The following TLN2 variants were observed in gnomAD, a reference collection of about 807,000 sequenced individuals.
TLN2 encodes talin-2.
Under a neutral mutation model 294.7 loss-of-function variants are expected in TLN2, and 118 were observed. The observed-to-expected ratio is 0.40, with a 90% CI of 0.34 to 0.47. The LOEUF is 0.47. Among genes scored for constraint, TLN2 ranks in the 20% least tolerant of loss-of-function variants. The pLI is 0.84. For synonymous variants in TLN2, 1,431 were observed against 1,304.5 expected (o/e 1.10, Z -2.09); for missense variants, 3,083 against 3,282.2 (o/e 0.94, Z 1.48).
At chr15:62,781,079 A>G (rs1353342384) in intron 43 of TLN2, 61 bp from the exon 44 acceptor site, 2 of 1,300,694 alleles carry the variant, frequency 1.5e-6, no homozygotes, top group African/African-American at 2.9e-5. Context: ...ATTCTCGTAA[A>G]TACAGTCTAC....
At chr15:62,476,851 T>C (rs1373153294) in intron 1 of TLN2, among the ~76,000 whole-genome samples, 1 of 152,202 alleles carries the variant, frequency 6.6e-6, no homozygotes, top group Non-Finnish European at 1.5e-5. Flanking sequence ...CCATCATGTC[T>C]CATCCTAATG....
chr15:62,540,226 G>A (rs1452908085), intron 1 of TLN2, among the ~76,000 whole-genome samples: 8 of 152,126 alleles, frequency 5.3e-5, no homozygotes, highest in Admixed American at 5.2e-4. Flanking sequence ...TGTAATCCCA[G>A]CTACTTGGGA....
rs201307328 is a variant in TLN2, at chr15:62,673,782, T to C, written c.789-45T>C. The stretch of plus-strand genomic sequence containing the variant: ...AATGTCTTTGCTTTGCTTCTCATCA[T>C]GGAACATGATAAATGCCTTTCCTTT... On this transcript the variant is annotated intron_variant, in intron 9 of 58. Transcript: ENST00000636159. 110 of 1,498,372 alleles carry C rather than the reference T, an allele frequency of 7.3e-5. No individual in the cohort carries two copies. The East Asian group carries it at 2.5e-3, about 34-fold the overall frequency. The allele number at this position is 1,498,372 out of a possible 1,614,324, so 92.8% of individuals were successfully genotyped here.
At chr15:62,833,680 AG>A in intron 55 of TLN2, 51 bp downstream of exon 55, 3 of 1,583,072 alleles carry the variant, frequency 1.9e-6, no homozygotes, top group Non-Finnish European at 8.6e-7. Flanking sequence ...CGAGAGCCTC[AG>A]GGGGCCCAGG....
intron 1 of TLN2, among the ~76,000 whole-genome samples, chr15:62,499,992 A>T (rs748978199): frequency 6.6e-6 from 1 of 152,132 alleles, no homozygotes; most frequent in Admixed American, 6.6e-5. Context: ...GTGAGGGAGG[A>T]GGAGTGAAGG....
At chr15:62,427,664 C>T (rs1258680720) in intron 1 of TLN2, among the ~76,000 whole-genome samples, 2 of 152,166 alleles carry the variant, frequency 1.3e-5, no homozygotes, top group African/African-American at 4.8e-5. Context: ...CAGACGATGC[C>T]CTTGGGATCT....
intron 1 of TLN2, among the ~76,000 whole-genome samples, chr15:62,468,392 G>A (rs1001816466): frequency 6.6e-6 from 1 of 152,192 alleles, no homozygotes; most frequent in South Asian, 2.1e-4. Context: ...GCTGGGGAAA[G>A]TTAAGATGTT....
At chr15:62,740,363 T>C (rs1006214375) in intron 31 of TLN2, 6 of 380,180 alleles carry the variant, frequency 1.6e-5, no homozygotes, top group African/African-American at 1.2e-4. Context: ...TTAATGCCTC[T>C]AGTTGTGAGA....
intron 1 of TLN2, among the ~76,000 whole-genome samples, chr15:62,551,023 T>A (rs2042266093): frequency 1.3e-5 from 2 of 152,178 alleles, no homozygotes; most frequent in South Asian, 4.1e-4. Flanking sequence ...AAGTCCCATC[T>A]GGGGTTGATG....
chr15:62,559,243 G>C (rs570194145), intron 1 of TLN2, among the ~76,000 whole-genome samples: 1 of 152,132 alleles, frequency 6.6e-6, no homozygotes, highest in Non-Finnish European at 1.5e-5. Flanking sequence ...ATTTTACTAG[G>C]ATCACCGAAA....
intron 7 of TLN2, among the ~76,000 whole-genome samples, chr15:62,654,528 T>G (rs1596513623): frequency 6.6e-6 from 1 of 151,398 alleles, no homozygotes; most frequent in African/African-American, 2.4e-5. Context: ...CTGAGGCGGG[T>G]GGATCACTTG....
At chr15:62,465,236 C>G (rs2037059609) in intron 1 of TLN2, among the ~76,000 whole-genome samples, 1 of 150,194 alleles carries the variant, frequency 6.7e-6, no homozygotes, top group Non-Finnish European at 1.5e-5. Flanking sequence ...CTCTGGTTCT[C>G]TCTCTTTGCT....
chr15:62,802,924 AT>A (rs1184130935), intron 50 of TLN2, among the ~76,000 whole-genome samples: 1 of 151,836 alleles, frequency 6.6e-6, no homozygotes, highest in Non-Finnish European at 1.5e-5. Context: ...TGATTATTAT[AT>A]TTTTTCCTAT....
chr15:62,820,968 C>G (rs1302545653), intron 54 of TLN2, among the ~76,000 whole-genome samples: 1 of 152,096 alleles, frequency 6.6e-6, no homozygotes, highest in Non-Finnish European at 1.5e-5. Flanking sequence ...TTCTCTTTTG[C>G]TTTTTACAAA....
At chr15:62,407,542 GA>G (rs199825938) in intron 1 of TLN2, among the ~76,000 whole-genome samples, 5 of 152,124 alleles carry the variant, frequency 3.3e-5, no homozygotes, top group East Asian at 1.9e-4. Flanking sequence ...ATTTAGAGGG[GA>G]AAAACCACCA....
intron 28 of TLN2, among the ~76,000 whole-genome samples, chr15:62,735,022 G>A (rs2060931275): frequency 6.6e-6 from 1 of 152,176 alleles, no homozygotes; most frequent in Admixed American, 6.5e-5. Flanking sequence ...ACACTGATTT[G>A]CGTATTTTTC....
At chr15:62,662,743 T>C (rs895833519) in intron 9 of TLN2, among the ~76,000 whole-genome samples, 1 of 151,550 alleles carries the variant, frequency 6.6e-6, no homozygotes, top group Non-Finnish European at 1.5e-5. Flanking sequence ...AAATACATAA[T>C]ATATTCATGA....
At chr15:62,772,064 GC>G (rs1413924752) in intron 42 of TLN2, among the ~76,000 whole-genome samples, 3 of 151,844 alleles carry the variant, frequency 2.0e-5, no homozygotes, top group African/African-American at 7.3e-5. Context: ...AGTAGCTGGG[GC>G]CACAAGCACA....
chr15:62,631,259 C>T (rs1224022299), intron 3 of TLN2, among the ~76,000 whole-genome samples: 2 of 152,086 alleles, frequency 1.3e-5, no homozygotes, highest in African/African-American at 4.8e-5. Flanking sequence ...AAGGCCCCAC[C>T]TCTTAATACT....
Sources: gnomAD v4.1 joint callset for allele counts (sites outside exome capture counted in the v4.1 genomes callset) on GRCh38, gnomAD v4.1.1 for gene constraint, MANE v1.5 for transcripts, NCBI Gene and HGNC (gene_info 2026-07-23, HGNC 2026-07-21) for gene names.